Variants in NDUFB3 observed in about 807,000 individuals in gnomAD.
NDUFB3 encodes NADH dehydrogenase [ubiquinone] 1 beta subcomplex subunit 3.
In NDUFB3, 7 loss-of-function variants were observed where a neutral mutation model predicts 9.0. That is an observed-to-expected ratio of 0.78 (90% confidence interval 0.44 to 1.46). NDUFB3 has a LOEUF of 1.46. Ranked by LOEUF, NDUFB3 falls within the 40% of genes most tolerant of loss-of-function variation. The pLI is 0.01. For missense variants in NDUFB3, 93 were observed against 115.4 expected (o/e 0.81, Z 0.89); for synonymous variants, 29 against 38.5 (o/e 0.75, Z 0.91).
chr2:201,073,394 C>T (rs1023363483), intron 1 of NDUFB3, among the ~76,000 whole-genome samples: 3 of 152,040 alleles, frequency 2.0e-5, no homozygotes, highest in African/African-American at 4.8e-5. Flanking sequence ...TACCATAATC[C>T]CTTCTATTGT....
At chr2:201,081,815 ATT>A (rs757230724) in intron 2 of NDUFB3, among the ~76,000 whole-genome samples, 17 of 107,004 alleles carry the variant, frequency 1.6e-4, no homozygotes, top group Non-Finnish European at 2.4e-4. Context: ...CGCCCAGCTA[ATT>A]TTTTTTTTTT....
At chr2:201,079,077 T>C (rs751594038) in intron 2 of NDUFB3, 55 bp downstream of exon 2, 19 of 1,533,672 alleles carry the variant, frequency 1.2e-5, no homozygotes, top group Non-Finnish European at 1.6e-5. Context: ...CAAGTGTCTA[T>C]GTTGCTTTTC....
At chr2:201,080,444 C>T (rs1239016342) in intron 2 of NDUFB3, among the ~76,000 whole-genome samples, 1 of 152,144 alleles carries the variant, frequency 6.6e-6, no homozygotes, top group Non-Finnish European at 1.5e-5. Context: ...ATGACACACA[C>T]ATGTAGTCCC....
chr2:201,076,296 G>A (rs1186363318), intron 1 of NDUFB3, among the ~76,000 whole-genome samples: 1 of 151,758 alleles, frequency 6.6e-6, no homozygotes, highest in Admixed American at 6.6e-5. Context: ...GATCACTTGA[G>A]GCCAGGAGTT....
chr2:201,074,323 A>T (rs2047135195), intron 1 of NDUFB3, among the ~76,000 whole-genome samples: 1 of 152,150 alleles, frequency 6.6e-6, no homozygotes, highest in Admixed American at 6.6e-5. Flanking sequence ...ATTAAAATTA[A>T]ATTAAAATTC....
rs978701792 is a variant in NDUFB3, at chr2:201,078,886, G to A, written c.4G>A (p.Ala2Thr). 4 of 1,607,922 alleles carry A rather than the reference G, an allele frequency of 2.5e-6. No individual in the cohort carries two copies. In the African/African-American group the frequency reaches 5.4e-5, roughly 22 times the overall value. ...TGTTAATCTTTTCCTTACAGACATG[G>A]CCCATGAACATGGACATGAGCATGG... is the stretch of plus-strand genomic sequence containing the variant. M[A>T]HEHGHEHGHH... The change falls in exon 2 of 3, where the codon GCC becomes ACC. Residue 2 changes from alanine to threonine, a missense_variant. Coordinates refer to ENST00000237889, the MANE Select transcript of NDUFB3 (RefSeq NM_002491.3).
intron 2 of NDUFB3, 95 bp from the exon 3 acceptor site, chr2:201,085,364 C>A: frequency 1.1e-6 from 1 of 921,638 alleles, no homozygotes; most frequent in Non-Finnish European, 1.6e-6. Context: ...TGTAGGGTAG[C>A]ATTTAAGTCA....
At chr2:201,082,411 C>T (rs2047237395) in intron 2 of NDUFB3, among the ~76,000 whole-genome samples, 2 of 151,676 alleles carry the variant, frequency 1.3e-5, no homozygotes, top group Non-Finnish European at 2.9e-5. Context: ...ACTACAGGTG[C>T]ATGCCGCCAT....
At chr2:201,073,598 C>G (rs1042086966) in intron 1 of NDUFB3, among the ~76,000 whole-genome samples, 3 of 152,042 alleles carry the variant, frequency 2.0e-5, no homozygotes, top group Non-Finnish European at 1.5e-5. Flanking sequence ...GAAACCCAGT[C>G]TCTACTAAAA....
chr2:201,078,078 G>A (rs547843439), intron 1 of NDUFB3, among the ~76,000 whole-genome samples: 1 of 152,142 alleles, frequency 6.6e-6, no homozygotes, highest in African/African-American at 2.4e-5. Flanking sequence ...TGAGGTGGGT[G>A]GATCACGAGG....
chr2:201,072,951 T>G (rs902346412), intron 1 of NDUFB3, among the ~76,000 whole-genome samples: 2 of 152,138 alleles, frequency 1.3e-5, no homozygotes, highest in African/African-American at 4.8e-5. Context: ...GTTACTACAA[T>G]GATTTGTGTC....
chr2:201,085,536 G>C lies in NDUFB3; in HGVS notation c.218G>C (p.Trp73Ser). 1.9e-6 allele frequency: 3 copies of C among 1,612,608 alleles called. No homozygotes were observed. The highest frequency in any genetic ancestry group is 1.7e-6 in the Non-Finnish European group (2 of 1,179,152). Reference protein sequence around the residue: ...FSDVFFKGFKWGFAAFVVAVG... With the variant: ...FSDVFFKGFKSGFAAFVVAVG... ...GATGTATTCTTTAAAGGATTCAAAT[G>C]GGGATTTGCTGCATTTGTGGTAGCT... is the stretch of plus-strand genomic sequence containing the variant. The change falls in exon 3 of 3, where the codon TGG becomes TCG. Residue 73 changes from tryptophan (W) to serine (S), a missense_variant. Trp to Ser is a radical substitution (Grantham distance 177). Transcript: ENST00000237889.
At chr2:201,074,747 C>T (rs554935527) in intron 1 of NDUFB3, among the ~76,000 whole-genome samples, 11 of 152,210 alleles carry the variant, frequency 7.2e-5, no homozygotes, top group African/African-American at 2.6e-4. Flanking sequence ...TGTGCCACTG[C>T]GCCCAGCCAT....
At chr2:201,076,370 CGTT>C (rs1260144785) in intron 1 of NDUFB3, among the ~76,000 whole-genome samples, 1 of 151,180 alleles carries the variant, frequency 6.6e-6, no homozygotes, top group Non-Finnish European at 1.5e-5. Context: ...ACTAGCCAGG[CGTT>C]GTGCACACTC....
intron 1 of NDUFB3, among the ~76,000 whole-genome samples, chr2:201,077,049 G>A (rs1017508886): frequency 2.0e-5 from 3 of 151,942 alleles, no homozygotes; most frequent in Non-Finnish European, 2.9e-5. Flanking sequence ...GCAGTGAGCC[G>A]AGATTGCACA....
chr2:201,075,043 A>G (rs1280194146), intron 1 of NDUFB3, among the ~76,000 whole-genome samples: 1 of 152,130 alleles, frequency 6.6e-6, no homozygotes, highest in East Asian at 1.9e-4. Context: ...GGAAATAGAA[A>G]TAAGTTTAAA....
intron 2 of NDUFB3, among the ~76,000 whole-genome samples, 196 bp from the exon 3 acceptor site, chr2:201,085,263 A>G (rs924259731): frequency 6.6e-6 from 1 of 152,208 alleles, no homozygotes; most frequent in Non-Finnish European, 1.5e-5. Flanking sequence ...TCAAGTGTTT[A>G]TTCTTCTATT....
rs950779093 is a variant in NDUFB3 at position 201,072,036 on chromosome 2, C to T, written c.-26C>T. ...TGGCTCCGGTTGCAGAGTTGAGTGT[C>T]CTGAGAGGTCAGATTGCTGTCAGGT... On this transcript the variant is annotated 5_prime_UTR_variant, in exon 1 of 3. Coordinates refer to ENST00000237889, the MANE Select transcript of NDUFB3 (RefSeq NM_002491.3). 4.6e-5 allele frequency: 7 copies of T among 152,232 alleles called. No homozygotes were observed. The highest frequency in any genetic ancestry group is 1.7e-4 in the African/African-American group (7 of 41,452). The allele number at this position is 152,232 out of a possible 1,614,324, so 9.4% of individuals were successfully genotyped here.
intron 1 of NDUFB3, among the ~76,000 whole-genome samples, chr2:201,075,183 AAAAAAAAAAAAAG>A (rs1488887754): frequency 1.3e-5 from 2 of 151,200 alleles, no homozygotes; most frequent in African/African-American, 2.4e-5. Context: ...CTGTCTGAAA[AAAAAAAAAAAAAG>A]AAAAAGAAAA....
Sources: allele counts gnomAD v4.1 joint callset (sites outside exome capture counted in the v4.1 genomes callset), GRCh38; gene constraint gnomAD v4.1.1; transcripts MANE v1.5; gene names NCBI Gene and HGNC (gene_info 2026-07-23, HGNC 2026-07-21).